The following GABBR2 variants were observed in gnomAD, a reference collection of about 807,000 sequenced individuals.
The protein encoded by GABBR2 is gamma-aminobutyric acid type B receptor subunit 2, also known as G-protein coupled receptor 51.
Under a neutral mutation model 105.6 loss-of-function variants are expected in GABBR2, and 23 were observed. The ratio of observed to expected loss-of-function variants is 0.22; its 90% confidence interval spans 0.16 to 0.31. The LOEUF (loss-of-function observed/expected upper bound fraction) is 0.31. Ranked by LOEUF, GABBR2 falls within the 10% of genes least tolerant of loss-of-function variation. The pLI, the probability that GABBR2 is intolerant of heterozygous loss-of-function variation, is 1.00. For synonymous variants in GABBR2, 478 were observed against 499.7 expected, an observed-to-expected ratio of 0.96 and a Z score of 0.58; for missense variants, 734 against 1,245.5, an observed-to-expected ratio of 0.59 and a Z score of 6.18.
rs145627903 is a variant in GABBR2 at position 98,468,770 on chromosome 9, C to T, written c.999+4376G>A. Among the ~76,000 whole-genome samples the T allele has an allele frequency of 4.0e-4, 61 of 152,146 alleles. No individual in the cohort carries two copies. The East Asian group carries it at 9.5e-3, about 24-fold the overall frequency. ...GAGGTTGCAGATTAAGTGGTGTGAA[C>T]GCAGGATCCACACCGGATCTCTGGA... On this transcript the variant is annotated intron_variant, in intron 6 of 18. Transcript: ENST00000259455.
At chr9:98,674,755 T>C (rs918231364) in intron 1 of GABBR2, among the ~76,000 whole-genome samples, 2 of 152,094 alleles carry the variant, frequency 1.3e-5, no homozygotes, top group Non-Finnish European at 2.9e-5. Flanking sequence ...TGAAGAGATG[T>C]CAGTACTCCT....
intron 2 of GABBR2, among the ~76,000 whole-genome samples, chr9:98,576,933 T>TGGATGGATGGATGGATGGATGGAA (rs1554718742): frequency 0.01 from 1,482 of 145,516 alleles, 17 homozygotes; most frequent in East Asian, 0.04. Flanking sequence ...GATGGATGGA[T>TGGATGGATGGATGGATGGATGGAA]GGATGGATGG....
At chr9:98,418,309 G>T (rs1832723539) in intron 7 of GABBR2, among the ~76,000 whole-genome samples, 1 of 152,050 alleles carries the variant, frequency 6.6e-6, no homozygotes, top group South Asian at 2.1e-4. Context: ...GAGGCCAAGT[G>T]GGAGATTGCT....
intron 13 of GABBR2, among the ~76,000 whole-genome samples, chr9:98,326,915 AG>A (rs1356428147): frequency 6.6e-6 from 1 of 152,230 alleles, no homozygotes; most frequent in Non-Finnish European, 1.5e-5. Flanking sequence ...AGAGCAGTAA[AG>A]CCTACTTGCT....
chr9:98,707,877 C>G (rs1830919964), intron 1 of GABBR2, among the ~76,000 whole-genome samples: 1 of 152,236 alleles, frequency 6.6e-6, no homozygotes, highest in Admixed American at 6.5e-5. Flanking sequence ...GAGCTGCTGG[C>G]GCGCACCAGG....
intron 6 of GABBR2, among the ~76,000 whole-genome samples, chr9:98,463,475 T>C (rs1035482227): frequency 5.9e-5 from 9 of 152,196 alleles, no homozygotes; most frequent in Non-Finnish European, 1.3e-4. Context: ...ATGGAGAACC[T>C]ATATGAGTAG....
At chr9:98,324,677 C>T (rs936659675) in intron 13 of GABBR2, among the ~76,000 whole-genome samples, 2 of 152,158 alleles carry the variant, frequency 1.3e-5, no homozygotes, top group African/African-American at 4.8e-5. Flanking sequence ...CTGCTGTGGC[C>T]ACTGCTGGCG....
chr9:98,563,858 A>G (rs1237272178), intron 2 of GABBR2, among the ~76,000 whole-genome samples: 1 of 152,240 alleles, frequency 6.6e-6, no homozygotes, highest in Non-Finnish European at 1.5e-5. Flanking sequence ...AGCCTTCTGT[A>G]TAATTCACAA....
At chr9:98,413,747 G>A (rs2131542727) in intron 7 of GABBR2, among the ~76,000 whole-genome samples, 1 of 152,290 alleles carries the variant, frequency 6.6e-6, no homozygotes, top group Non-Finnish European at 1.5e-5. Flanking sequence ...CCTCCACAAA[G>A]CATGTGGTGG....
intron 6 of GABBR2, among the ~76,000 whole-genome samples, chr9:98,461,125 AAAAGAAAG>A (rs1241044169): frequency 3.9e-5 from 6 of 152,334 alleles, no homozygotes; most frequent in African/African-American, 1.4e-4. Context: ...GAGTCACAGT[AAAAGAAAG>A]ACCAAGGAGA....
At chr9:98,539,483 A>C (rs1828248300) in intron 3 of GABBR2, among the ~76,000 whole-genome samples, 2 of 152,190 alleles carry the variant, frequency 1.3e-5, no homozygotes, top group Non-Finnish European at 2.9e-5. Flanking sequence ...ACAATCTTTC[A>C]TGACTTCAGA....
At chr9:98,406,709 TG>T (rs1324221935) in intron 7 of GABBR2, among the ~76,000 whole-genome samples, 1 of 152,230 alleles carries the variant, frequency 6.6e-6, no homozygotes, top group African/African-American at 2.4e-5. Context: ...CTAAGCTTCT[TG>T]AGCCAGCGAG....
intron 15 of GABBR2, among the ~76,000 whole-genome samples, chr9:98,303,774 C>G (rs968091977): frequency 1.3e-5 from 2 of 152,238 alleles, no homozygotes; most frequent in Non-Finnish European, 2.9e-5. Flanking sequence ...AAATAAGCCC[C>G]GAGGGCAACA....
chr9:98,537,911 C>A (rs1163041863), intron 3 of GABBR2, among the ~76,000 whole-genome samples: 1 of 152,192 alleles, frequency 6.6e-6, no homozygotes, highest in Non-Finnish European at 1.5e-5. Context: ...GTGATTCTAG[C>A]GAGCAGCCAG....
chr9:98,329,637 C>T (rs759991913), intron 13 of GABBR2, among the ~76,000 whole-genome samples: 7 of 152,206 alleles, frequency 4.6e-5, no homozygotes, highest in Non-Finnish European at 8.8e-5. Context: ...CTTCGGGGCT[C>T]ATTCTCTCTT....
chr9:98,307,010 G>A (rs996022402), intron 14 of GABBR2, among the ~76,000 whole-genome samples: 2 of 152,186 alleles, frequency 1.3e-5, no homozygotes, highest in African/African-American at 4.8e-5. Flanking sequence ...GGAATGTGAT[G>A]GGTGGAGCTT....
intron 1 of GABBR2, among the ~76,000 whole-genome samples, chr9:98,579,466 T>C (rs1457749702): frequency 2.6e-5 from 4 of 152,216 alleles, no homozygotes; most frequent in Non-Finnish European, 5.9e-5. Context: ...TGGCTTCTAC[T>C]GGGTGTCTTA....
intron 5 of GABBR2, among the ~76,000 whole-genome samples, chr9:98,474,505 G>T (rs1486595935): frequency 6.6e-6 from 1 of 152,168 alleles, no homozygotes; most frequent in Non-Finnish European, 1.5e-5. Flanking sequence ...ACTACAGAGA[G>T]CAGGGGTGGA....
chr9:98,501,124 T>A (rs1827389055), intron 3 of GABBR2, among the ~76,000 whole-genome samples: 1 of 92,640 alleles, frequency 1.1e-5, no homozygotes, highest in Non-Finnish European at 2.1e-5. Context: ...TAGGAACCAC[T>A]GCCCCCCCCC....
Sources: allele counts gnomAD v4.1 joint callset (sites outside exome capture counted in the v4.1 genomes callset), GRCh38; gene constraint gnomAD v4.1.1; transcripts MANE v1.5; gene names NCBI Gene and HGNC (gene_info 2026-07-23, HGNC 2026-07-21).